The following CDC42SE2 variants were observed in gnomAD, a reference collection of about 807,000 sequenced individuals.
CDC42SE2 encodes the protein CDC42 small effector protein 2.
Under a neutral mutation model 11.5 loss-of-function variants are expected in CDC42SE2, and 3 were observed. The observed-to-expected ratio is 0.26, with a 90% confidence interval of 0.12 to 0.67. The LOEUF (loss-of-function observed/expected upper bound fraction) is 0.67, where lower values mean the gene tolerates loss of function less well. Among genes scored for constraint, CDC42SE2 ranks in the 30% least tolerant of loss-of-function variants. CDC42SE2 has a pLI of 0.80. For synonymous variants in CDC42SE2, 33 were observed against 34.8 expected, an observed-to-expected ratio of 0.95 and a Z score of 0.18; for missense variants, 82 against 106.8, an observed-to-expected ratio of 0.77 and a Z score of 1.02.
intron 3 of CDC42SE2, among the ~76,000 whole-genome samples, chr5:131,361,949 C>T (rs1239275422): frequency 1.3e-5 from 2 of 152,112 alleles, no homozygotes; most frequent in Non-Finnish European, 2.9e-5. Flanking sequence ...CTCCTCTCGA[C>T]GTTTGGCTGT....
chr5:131,327,859 A>G (rs1046666826), intron 2 of CDC42SE2, among the ~76,000 whole-genome samples: 5 of 152,210 alleles, frequency 3.3e-5, no homozygotes, highest in Non-Finnish European at 7.3e-5. Context: ...TTATCTTTAT[A>G]TACTCTGAAA....
At chr5:131,310,004 G>T (rs1172629572) in intron 1 of CDC42SE2, among the ~76,000 whole-genome samples, 1 of 152,054 alleles carries the variant, frequency 6.6e-6, no homozygotes, top group Admixed American at 6.6e-5. Flanking sequence ...GAATGTGTTT[G>T]CTCTTGCTTG....
At chr5:131,268,994 C>T (rs1343845659) in intron 1 of CDC42SE2, among the ~76,000 whole-genome samples, 1 of 152,042 alleles carries the variant, frequency 6.6e-6, no homozygotes, top group Non-Finnish European at 1.5e-5. Flanking sequence ...CGTGATCCGC[C>T]CACCTTGGCC....
intron 3 of CDC42SE2, among the ~76,000 whole-genome samples, chr5:131,365,907 G>T (rs180804229): frequency 6.6e-6 from 1 of 152,168 alleles, no homozygotes. Flanking sequence ...GTGTGAACCC[G>T]GGAAGCGGAG....
chr5:131,241,042 G>A (rs1306908527), upstream of CDC42SE2, among the ~76,000 whole-genome samples: 1 of 151,988 alleles, frequency 6.6e-6, no homozygotes, highest in Non-Finnish European at 1.5e-5. Context: ...GCAGTGGCGC[G>A]ATCTCGGCTC....
At chr5:131,335,332 C>CA (rs1425736835) in intron 2 of CDC42SE2, among the ~76,000 whole-genome samples, 5 of 152,254 alleles carry the variant, frequency 3.3e-5, no homozygotes, top group Non-Finnish European at 7.4e-5. Flanking sequence ...GTCTGAGAGA[C>CA]AGTTTGTTAT....
intron 1 of CDC42SE2, among the ~76,000 whole-genome samples, chr5:131,282,837 G>A (rs988122690): frequency 6.7e-6 from 1 of 149,528 alleles, no homozygotes; most frequent in African/African-American, 2.5e-5. Context: ...CACCATATTA[G>A]CCAGGATGGT....
At chr5:131,240,632 G>T (rs568832369), upstream of CDC42SE2, among the ~76,000 whole-genome samples, 24 of 152,278 alleles carry the variant, frequency 1.6e-4, no homozygotes, top group African/African-American at 5.8e-4. Context: ...ATTTGATGTT[G>T]CAGCCTCTGG....
intron 2 of CDC42SE2, among the ~76,000 whole-genome samples, chr5:131,346,480 C>T (rs1344136444): frequency 6.6e-6 from 1 of 152,170 alleles, no homozygotes; most frequent in East Asian, 1.9e-4. Context: ...GCATCTAATA[C>T]AGGAGTACCC....
intron 2 of CDC42SE2, among the ~76,000 whole-genome samples, chr5:131,347,010 A>T (rs1258168001): frequency 6.6e-6 from 1 of 152,220 alleles, no homozygotes; most frequent in Non-Finnish European, 1.5e-5. Flanking sequence ...GTGTAGAGGG[A>T]AATTTATAGC....
chr5:131,218,159 A>C, the CDC42SE2 span, among the ~76,000 whole-genome samples: 6 of 147,588 alleles, frequency 4.1e-5, no homozygotes, highest in Non-Finnish European at 8.9e-5. Flanking sequence ...GCTGGGCAAA[A>C]GGAAGACCCT....
Position 131,294,569 on chromosome 5 carries a change from G to T in CDC42SE2, c.-454-21407G>T, listed in dbSNP as rs549288262. On this transcript the variant is annotated intron_variant, in intron 1 of 4. Coordinates refer to ENST00000505065, the MANE Select transcript of CDC42SE2 (RefSeq NM_001375635.1). ...AATGAGTGAAATATATAGAATGCCA[G>T]ATAACTTAAAAAAGTACTATGAGGA... 2.0e-3 allele frequency among the ~76,000 whole-genome samples: 298 copies of T among 152,264 alleles called. 1 individual carries two copies. Among genetic ancestry groups the T allele is most frequent in the African/African-American group, 6.9e-3 (287 of 41,560 alleles).
At chr5:131,372,444 T>C (rs1750036454) in intron 3 of CDC42SE2, among the ~76,000 whole-genome samples, 1 of 152,102 alleles carries the variant, frequency 6.6e-6, no homozygotes, top group Non-Finnish European at 1.5e-5. Flanking sequence ...GGCGCGGTGG[T>C]GGCTCACGCC....
chr5:131,295,219 G>T (rs1327633987), intron 1 of CDC42SE2, among the ~76,000 whole-genome samples: 1 of 151,454 alleles, frequency 6.6e-6, no homozygotes, highest in African/African-American at 2.4e-5. Flanking sequence ...GGAGGTGGAG[G>T]TTGCAGTAAG....
upstream of CDC42SE2, among the ~76,000 whole-genome samples, chr5:131,243,608 T>C (rs898116723): frequency 2.0e-5 from 3 of 152,104 alleles, no homozygotes; most frequent in Non-Finnish European, 4.4e-5. Flanking sequence ...GTAAAATAAT[T>C]TTTAAACAAG....
intron 1 of CDC42SE2, among the ~76,000 whole-genome samples, chr5:131,309,262 A>C (rs1318190559): frequency 1.3e-5 from 2 of 150,710 alleles, no homozygotes; most frequent in African/African-American, 4.8e-5. Context: ...TGATTTGCGT[A>C]TATTGAACCA....
chr5:131,288,240 G>A (rs181293277), intron 1 of CDC42SE2, among the ~76,000 whole-genome samples: 1 of 151,756 alleles, frequency 6.6e-6, no homozygotes, highest in Non-Finnish European at 1.5e-5. Context: ...AAAAAAAATT[G>A]TGGTAATGTT....
At position 131,305,800 on chromosome 5, in the gene CDC42SE2, G is replaced by T. The variant is rs144858371; in HGVS notation, c.-454-10176G>T. ...TTGCCTTTGTTGCCTGTATATTTGG[G>T]GTTATATCTAAAAAAACTAAAAATT... On this transcript the variant is annotated intron_variant, in intron 1 of 4. Transcript: ENST00000505065. 4.1e-3 allele frequency among the ~76,000 whole-genome samples: 628 copies of T among 151,960 alleles called. 4 individuals are homozygous for T. Among genetic ancestry groups the T allele is most frequent in the African/African-American group, 0.013 (544 of 41,444 alleles).
chr5:131,245,431 C>T (rs1327944307), upstream of CDC42SE2: 2 of 151,898 alleles, frequency 1.3e-5, no homozygotes, highest in Non-Finnish European at 2.9e-5. Context: ...TACATTGAAA[C>T]AATGTGTCAT....
Sources: gnomAD v4.1 joint callset for allele counts (sites outside exome capture counted in the v4.1 genomes callset) on GRCh38, gnomAD v4.1.1 for gene constraint, MANE v1.5 for transcripts, NCBI Gene and HGNC (gene_info 2026-07-23, HGNC 2026-07-21) for gene names.